LGSN: variants seen among roughly 807,000 people sequenced by gnomAD.
LGSN encodes the protein lengsin.
LGSN carries 21 observed loss-of-function variants against 19.5 expected under a neutral mutation model. The observed-to-expected ratio is 1.07, with a 90% CI of 0.76 to 1.55. The LOEUF (loss-of-function observed/expected upper bound fraction) is 1.55, where lower values mean the gene tolerates loss of function less well. Among genes scored for constraint, LGSN ranks in the 40% most tolerant of loss-of-function variants. The pLI is 0.00. For synonymous variants in LGSN, 257 were observed against 215.6 expected (o/e 1.19, Z -1.68); for missense variants, 673 against 608.5 (o/e 1.11, Z -1.12).
the LGSN span, among the ~76,000 whole-genome samples, chr6:63,373,013 T>C: frequency 7.2e-5 from 11 of 152,178 alleles, no homozygotes; most frequent in Non-Finnish European, 1.3e-4. Flanking sequence ...CCACAAAATA[T>C]CCTCTGTTAC....
chr6:63,316,035 G>A lies in LGSN; in HGVS notation c.30+3879C>T, dbSNP rs573484922. Among the ~76,000 whole-genome samples, 5 of 152,190 alleles carry A rather than the reference G, an allele frequency of 3.3e-5. No homozygotes were observed. The East Asian group carries it at 5.8e-4, about 18-fold the overall frequency. On this transcript the variant is annotated intron_variant, in intron 1 of 3. Transcript: ENST00000370657. Reference sequence around the variant, plus strand: ...AAGCCCAAAATGGAATGGGTTATTTGTCAAAGTGTTGAGTTTCTCATCTCC... The same window carrying A: ...AAGCCCAAAATGGAATGGGTTATTTATCAAAGTGTTGAGTTTCTCATCTCC...
At chr6:63,435,957 C>T in the LGSN span, among the ~76,000 whole-genome samples, 2 of 150,572 alleles carry the variant, frequency 1.3e-5, no homozygotes, top group South Asian at 4.2e-4. Flanking sequence ...TTCCTAACTT[C>T]ATCACTAATC....
chr6:63,472,538 T>G, the LGSN span, among the ~76,000 whole-genome samples: 1 of 152,190 alleles, frequency 6.6e-6, no homozygotes, highest in Non-Finnish European at 1.5e-5. Flanking sequence ...TAGCTGGGCT[T>G]TCTGATGCTA....
the LGSN span, among the ~76,000 whole-genome samples, chr6:63,470,901 A>G: frequency 1.3e-5 from 2 of 151,476 alleles, no homozygotes; most frequent in Non-Finnish European, 2.9e-5. Flanking sequence ...TCTGAATACC[A>G]AAATCTTAAA....
At chr6:63,557,119 A>G in the LGSN span, among the ~76,000 whole-genome samples, 1 of 152,246 alleles carries the variant, frequency 6.6e-6, no homozygotes, top group Non-Finnish European at 1.5e-5. Flanking sequence ...TTGTCTTGGA[A>G]TTCTTCAAAG....
chr6:63,346,015 A>C, the LGSN span, among the ~76,000 whole-genome samples: 6 of 152,206 alleles, frequency 3.9e-5, no homozygotes, highest in Non-Finnish European at 7.3e-5. Flanking sequence ...AAAAATTTAA[A>C]GTATACTTTT....
At chr6:63,464,786 G>A in the LGSN span, among the ~76,000 whole-genome samples, 1 of 151,800 alleles carries the variant, frequency 6.6e-6, no homozygotes, top group African/African-American at 2.4e-5. Context: ...CAGCACTTTG[G>A]GAGGCCGAGG....
At chr6:63,327,062 G>A in the LGSN span, among the ~76,000 whole-genome samples, 1 of 152,198 alleles carries the variant, frequency 6.6e-6, no homozygotes, top group Non-Finnish European at 1.5e-5. Flanking sequence ...TGGCAATTTG[G>A]CTGATGACCA....
intron 1 of LGSN, among the ~76,000 whole-genome samples, chr6:63,311,917 A>T (rs1768643510): frequency 6.6e-6 from 1 of 152,096 alleles, no homozygotes; most frequent in Admixed American, 6.6e-5. Context: ...CCCTCTGTTA[A>T]CCACATTCTA....
the LGSN span, among the ~76,000 whole-genome samples, chr6:63,502,092 G>A: frequency 2.0e-5 from 3 of 152,146 alleles, no homozygotes; most frequent in African/African-American, 7.2e-5. Context: ...GAGTCCCTGT[G>A]CCTGGCCCAG....
the LGSN span, among the ~76,000 whole-genome samples, chr6:63,402,242 T>C: frequency 1.3e-5 from 2 of 152,204 alleles, no homozygotes; most frequent in Non-Finnish European, 2.9e-5. Context: ...CCTGCACTCT[T>C]GTGTCTTTTC....
At chr6:63,535,488 A>C in the LGSN span, among the ~76,000 whole-genome samples, 1 of 152,290 alleles carries the variant, frequency 6.6e-6, no homozygotes, top group South Asian at 2.1e-4. Flanking sequence ...AAAAAGCAAT[A>C]ATATGCATTT....
At chr6:63,517,014 G>T in the LGSN span, among the ~76,000 whole-genome samples, 1 of 151,872 alleles carries the variant, frequency 6.6e-6, no homozygotes, top group South Asian at 2.1e-4. Context: ...CATTGTTTTG[G>T]GATATTTATT....
chr6:63,318,310 T>C (rs796144603), intron 1 of LGSN, among the ~76,000 whole-genome samples: 89 of 152,304 alleles, frequency 5.8e-4, no homozygotes, highest in African/African-American at 2.1e-3. Context: ...GTTTTGTAGT[T>C]AACTTCATGC....
chr6:63,312,182 T>C (rs796068578), intron 1 of LGSN, among the ~76,000 whole-genome samples: 13 of 152,360 alleles, frequency 8.5e-5, no homozygotes, highest in African/African-American at 3.1e-4. Flanking sequence ...TATCACTTTT[T>C]CTTTATCCAT....
intron 1 of LGSN, among the ~76,000 whole-genome samples, chr6:63,301,290 T>TA (rs550936078): frequency 6.6e-6 from 1 of 151,760 alleles, no homozygotes; most frequent in East Asian, 1.9e-4. Flanking sequence ...GACTCTGTCT[T>TA]AAAAAAAATA....
chr6:63,351,435 AAGAG>A, the LGSN span, among the ~76,000 whole-genome samples: 25,096 of 146,682 alleles, frequency 0.17, 2,611 homozygotes, highest in East Asian at 0.33. Flanking sequence ...GAGAGAGAGG[AAGAG>A]AGAGAGAGAG....
chr6:63,431,746 A>G, the LGSN span, among the ~76,000 whole-genome samples: 1 of 152,130 alleles, frequency 6.6e-6, no homozygotes, highest in Non-Finnish European at 1.5e-5. Context: ...TTCTGCAACA[A>G]ACTTTCAGAA....
At chr6:63,375,804 T>C in the LGSN span, among the ~76,000 whole-genome samples, 1 of 152,208 alleles carries the variant, frequency 6.6e-6, no homozygotes, top group South Asian at 2.1e-4. Context: ...AATTACTTCC[T>C]TTAAGTGAGA....
Sources: allele counts gnomAD v4.1 joint callset (sites outside exome capture counted in the v4.1 genomes callset), GRCh38; gene constraint gnomAD v4.1.1; transcripts MANE v1.5; gene names NCBI Gene and HGNC (gene_info 2026-07-23, HGNC 2026-07-21).